DLG2: variants seen among roughly 807,000 people sequenced by gnomAD.
DLG2 encodes discs large MAGUK scaffold protein 2, also known as disks large homolog 2.
A neutral mutation model predicts 132.5 loss-of-function variants in DLG2; 45 were observed. That is an observed-to-expected ratio of 0.34 (90% CI 0.27 to 0.44). The LOEUF (loss-of-function observed/expected upper bound fraction) is 0.44. DLG2 is among the 20% of genes least tolerant of loss of function. The pLI, the probability that DLG2 is intolerant of heterozygous loss-of-function variation, is 1.00. For synonymous variants in DLG2, 424 were observed against 419.6 expected, an observed-to-expected ratio of 1.01 and a Z score of -0.13; for missense variants, 1,045 against 1,196.9, an observed-to-expected ratio of 0.87 and a Z score of 1.87.
At chr11:84,776,536 T>C (rs971847803) in intron 6 of DLG2, among the ~76,000 whole-genome samples, 1 of 152,168 alleles carries the variant, frequency 6.6e-6, no homozygotes, top group Non-Finnish European at 1.5e-5. Context: ...ATCCCAAAAG[T>C]TCTTTTATGT....
At chr11:83,903,601 C>T (rs919756922) in intron 15 of DLG2, among the ~76,000 whole-genome samples, 1 of 152,128 alleles carries the variant, frequency 6.6e-6, no homozygotes, top group East Asian at 1.9e-4. Context: ...TTAACACCAT[C>T]CCTTATTGGA....
intron 7 of DLG2, among the ~76,000 whole-genome samples, chr11:84,291,004 C>G (rs1180579458): frequency 6.6e-6 from 1 of 152,066 alleles, no homozygotes; most frequent in Non-Finnish European, 1.5e-5. Flanking sequence ...GCACATCTAG[C>G]AATTAAAAGT....
intron 9 of DLG2, among the ~76,000 whole-genome samples, chr11:84,140,185 G>A (rs71469627): frequency 0.035 from 5,293 of 152,158 alleles, 146 homozygotes; most frequent in Non-Finnish European, 0.055. Flanking sequence ...ATTTCAGACT[G>A]CCCTTTGCTA....
chr11:85,033,529 A>G (rs532686515), intron 6 of DLG2, among the ~76,000 whole-genome samples: 18 of 152,348 alleles, frequency 1.2e-4, no homozygotes, highest in African/African-American at 3.8e-4. Flanking sequence ...CTCATCGCCA[A>G]CTGGCAATAG....
intron 19 of DLG2, among the ~76,000 whole-genome samples, chr11:83,543,194 C>T (rs576076455): frequency 3.1e-4 from 47 of 152,178 alleles, no homozygotes; most frequent in African/African-American, 8.7e-4. Context: ...TCCAAGCTCC[C>T]GGAATGAATC....
chr11:85,185,940 T>C (rs2080063517), intron 4 of DLG2, among the ~76,000 whole-genome samples: 1 of 152,042 alleles, frequency 6.6e-6, no homozygotes, highest in Admixed American at 6.6e-5. Flanking sequence ...TGTCACTTGA[T>C]TTAGGTCACA....
intron 2 of DLG2, among the ~76,000 whole-genome samples, chr11:85,611,138 C>A (rs1194104588): frequency 6.6e-6 from 1 of 152,190 alleles, no homozygotes; most frequent in African/African-American, 2.4e-5. Context: ...GAACCCCCAA[C>A]CAGTGGCATA....
At chr11:83,860,224 C>T (rs932453855) in intron 16 of DLG2, among the ~76,000 whole-genome samples, 1 of 152,106 alleles carries the variant, frequency 6.6e-6, no homozygotes, top group African/African-American at 2.4e-5. Flanking sequence ...TCCTCCAGAC[C>T]CCAGAATGAT....
chr11:84,332,730 T>G (rs1454238043), intron 7 of DLG2, among the ~76,000 whole-genome samples: 4 of 152,102 alleles, frequency 2.6e-5, no homozygotes, highest in Non-Finnish European at 5.9e-5. Flanking sequence ...ATCTATTAGG[T>G]GGTCTTTGTC....
chr11:83,894,198 T>C (rs946878980), intron 15 of DLG2, among the ~76,000 whole-genome samples: 1 of 152,214 alleles, frequency 6.6e-6, no homozygotes, highest in Non-Finnish European at 1.5e-5. Context: ...CTGTATCTAC[T>C]GAAATTCAGC....
chr11:84,928,230 C>T (rs1194720064), intron 6 of DLG2, among the ~76,000 whole-genome samples: 1 of 151,812 alleles, frequency 6.6e-6, no homozygotes, highest in African/African-American at 2.4e-5. Context: ...TCCTTTCTCT[C>T]TTAAAAACTC....
intron 7 of DLG2, among the ~76,000 whole-genome samples, chr11:84,448,756 G>A (rs746420989): frequency 2.0e-5 from 3 of 151,956 alleles, no homozygotes; most frequent in Non-Finnish European, 4.4e-5. Context: ...ATTACTTTGA[G>A]CTTATGTTTC....
chr11:84,591,230 T>TGTGTGTGG (rs1461049489), intron 6 of DLG2, among the ~76,000 whole-genome samples: 1 of 149,672 alleles, frequency 6.7e-6, no homozygotes, highest in East Asian at 2.0e-4. Flanking sequence ...TCTCTGTGTG[T>TGTGTGTGG]GTGTGTGTGT....
At chr11:85,092,609 A>G (rs983799999) in intron 6 of DLG2, among the ~76,000 whole-genome samples, 5 of 151,822 alleles carry the variant, frequency 3.3e-5, no homozygotes, top group Admixed American at 3.3e-4. Flanking sequence ...TTGCAAGTAC[A>G]TAGCAAGCGT....
chr11:85,532,812 T>G (rs978374541), intron 3 of DLG2, among the ~76,000 whole-genome samples: 1 of 152,210 alleles, frequency 6.6e-6, no homozygotes, highest in Admixed American at 6.5e-5. Context: ...TTTCTATCAG[T>G]AAGGATTGCA....
In DLG2 at chr11:83,923,006, C is replaced by T. The variant is rs565835273; in HGVS notation, c.1496+7322G>A. On this transcript the variant is annotated intron_variant, in intron 15 of 27. Coordinates refer to ENST00000376104, the MANE Select transcript of DLG2 (RefSeq NM_001142699.3). ...CACATATGGGATTAGACACATGCTG[C>T]CATTTACAGGGAGCCTATAAACGTA... Among the ~76,000 whole-genome samples the T allele has an allele frequency of 1.1e-4, 16 of 152,062 alleles. No homozygotes were observed. The South Asian group carries it at 3.3e-3, about 32-fold the overall frequency.
At chr11:85,246,200 G>A (rs1016166688) in intron 4 of DLG2, among the ~76,000 whole-genome samples, 3 of 151,802 alleles carry the variant, frequency 2.0e-5, no homozygotes, top group Admixed American at 2.0e-4. Flanking sequence ...AAAGTATCAA[G>A]AAATATTGAA....
At chr11:83,897,550 C>T (rs1288500250) in intron 15 of DLG2, among the ~76,000 whole-genome samples, 1 of 152,064 alleles carries the variant, frequency 6.6e-6, no homozygotes, top group East Asian at 1.9e-4. Context: ...CTAAATAACC[C>T]TCTAAAATTT....
chr11:84,052,151 G>A (rs142346236), intron 11 of DLG2, among the ~76,000 whole-genome samples: 1,984 of 151,918 alleles, frequency 0.013, 20 homozygotes, highest in Middle Eastern at 0.044. Flanking sequence ...AAACATATAT[G>A]TGCATTTTCA....
Sources: gnomAD v4.1 joint callset for allele counts (sites outside exome capture counted in the v4.1 genomes callset) on GRCh38, gnomAD v4.1.1 for gene constraint, MANE v1.5 for transcripts, NCBI Gene and HGNC (gene_info 2026-07-23, HGNC 2026-07-21) for gene names.